The following EYS variants were observed in gnomAD, a reference collection of about 807,000 sequenced individuals.
The protein encoded by EYS is EGF-like photoreceptor maintenance factor.
EYS carries 250 observed loss-of-function variants against 282.1 expected under a neutral mutation model. That is an observed-to-expected ratio of 0.89 (90% CI 0.80 to 0.98). EYS has a LOEUF of 0.98. Ranked by LOEUF, EYS falls within the 50% of genes least tolerant of loss-of-function variation. EYS has a pLI of 0.00. For synonymous variants in EYS, 1,355 were observed against 1,282.9 expected, an observed-to-expected ratio of 1.06 and a Z score of -1.20; for missense variants, 4,016 against 3,709.0, an observed-to-expected ratio of 1.08 and a Z score of -2.15.
chr6:64,425,800 A>T (rs1774389229), intron 28 of EYS, among the ~76,000 whole-genome samples: 1 of 152,130 alleles, frequency 6.6e-6, no homozygotes, highest in African/African-American at 2.4e-5. Flanking sequence ...ATGAGTAAAA[A>T]ATGACTTTCA....
At chr6:65,361,175 C>T (rs959637034) in intron 8 of EYS, among the ~76,000 whole-genome samples, 1 of 151,000 alleles carries the variant, frequency 6.6e-6, no homozygotes, top group Admixed American at 6.6e-5. Flanking sequence ...AACACATGAA[C>T]ACAGGAAGGG....
In EYS at chr6:65,022,970, A is replaced by G. The variant is rs987646170; in HGVS notation, c.2138-25267T>C. 1.4e-4 allele frequency among the ~76,000 whole-genome samples: 22 copies of G among 152,154 alleles called. 1 individual carries two copies. Among genetic ancestry groups the G allele is most frequent in the Admixed American group, 4.6e-4 (7 of 15,276 alleles). ...TATTGTACAATTCCATTTATATTACATGTCCAGAATAGGAAAATTTATAAA... is the reference window on the plus strand; with the variant it reads ...TATTGTACAATTCCATTTATATTACGTGTCCAGAATAGGAAAATTTATAAA... On this transcript the variant is annotated intron_variant, in intron 13 of 42. Coordinates refer to ENST00000503581, the MANE Select transcript of EYS (RefSeq NM_001142800.2).
intron 12 of EYS, among the ~76,000 whole-genome samples, chr6:65,170,855 C>T (rs541011873): frequency 1.1e-4 from 17 of 151,494 alleles, no homozygotes; most frequent in African/African-American, 3.6e-4. Context: ...ATTTAGAAAT[C>T]TTTGAATATC....
chr6:64,885,962 G>C (rs1016474121), intron 19 of EYS, among the ~76,000 whole-genome samples: 1 of 151,734 alleles, frequency 6.6e-6, no homozygotes, highest in Non-Finnish European at 1.5e-5. Context: ...TGATTTTAGT[G>C]CTGCACAAAT....
intron 31 of EYS, among the ~76,000 whole-genome samples, chr6:64,228,831 T>C (rs1766329477): frequency 1.3e-5 from 2 of 152,042 alleles, no homozygotes; most frequent in South Asian, 4.1e-4. Context: ...TGGAAGAAAA[T>C]ACAGTTACTC....
intron 26 of EYS, among the ~76,000 whole-genome samples, chr6:64,570,689 G>T (rs1765696590): frequency 6.6e-6 from 1 of 151,904 alleles, no homozygotes; most frequent in Non-Finnish European, 1.5e-5. Context: ...ACAAATAAGG[G>T]CATTATGTCA....
chr6:65,500,460 A>T (rs2127276672), intron 2 of EYS, among the ~76,000 whole-genome samples: 1 of 152,122 alleles, frequency 6.6e-6, no homozygotes, highest in South Asian at 2.1e-4. Flanking sequence ...AAACTCAGTA[A>T]CTGGTCAGTT....
chr6:65,274,866 G>A (rs186383677), intron 12 of EYS, among the ~76,000 whole-genome samples: 113 of 151,400 alleles, frequency 7.5e-4, no homozygotes, highest in African/African-American at 2.6e-3. Flanking sequence ...CTGAGTTGAA[G>A]GATAAGTTGC....
chr6:64,928,448 T>C (rs1278239281), intron 15 of EYS, among the ~76,000 whole-genome samples: 1 of 152,164 alleles, frequency 6.6e-6, no homozygotes, highest in Non-Finnish European at 1.5e-5. Context: ...GTGTTTGTTA[T>C]AGTCATGGTC....
intron 18 of EYS, among the ~76,000 whole-genome samples, chr6:64,895,427 G>A (rs1166606767): frequency 6.6e-6 from 1 of 152,168 alleles, no homozygotes; most frequent in Non-Finnish European, 1.5e-5. Flanking sequence ...CCCATTCAAT[G>A]AAATTCCAAT....
At chr6:64,027,726 C>T (rs149382985) in intron 33 of EYS, among the ~76,000 whole-genome samples, 191 of 152,270 alleles carry the variant, frequency 1.3e-3, no homozygotes, top group African/African-American at 3.5e-3. Context: ...TCCACTGTGC[C>T]GAGGAAATCA....
At chr6:65,173,912 T>C (rs1282426544) in intron 12 of EYS, among the ~76,000 whole-genome samples, 1 of 151,308 alleles carries the variant, frequency 6.6e-6, no homozygotes, top group Admixed American at 6.6e-5. Context: ...AAAAGATTTT[T>C]ACTAAAATTT....
intron 33 of EYS, among the ~76,000 whole-genome samples, chr6:64,061,610 T>TA (rs1291349521): frequency 2.6e-5 from 4 of 151,440 alleles, no homozygotes; most frequent in African/African-American, 9.8e-5. Flanking sequence ...TACTGGCTAA[T>TA]AACAGAATAA....
At chr6:65,062,617 C>T (rs1583447568) in intron 12 of EYS, among the ~76,000 whole-genome samples, 1 of 151,894 alleles carries the variant, frequency 6.6e-6, no homozygotes, top group East Asian at 1.9e-4. Flanking sequence ...GAGTTTAGAA[C>T]ACATAGTAAT....
chr6:63,749,740 T>A (rs1769296222), intron 41 of EYS, among the ~76,000 whole-genome samples: 1 of 152,176 alleles, frequency 6.6e-6, no homozygotes, highest in African/African-American at 2.4e-5. Context: ...CCAGTTCAAC[T>A]CACCCATTCC....
At chr6:65,313,374 G>A (rs1413062403) in intron 11 of EYS, among the ~76,000 whole-genome samples, 1 of 151,768 alleles carries the variant, frequency 6.6e-6, no homozygotes, top group Non-Finnish European at 1.5e-5. Flanking sequence ...CATGCTTAAA[G>A]GATCAGCCCC....
At chr6:65,513,853 T>C (rs1021363677) in intron 2 of EYS, among the ~76,000 whole-genome samples, 3 of 152,288 alleles carry the variant, frequency 2.0e-5, no homozygotes, top group African/African-American at 7.2e-5. Flanking sequence ...GGGCAGAACC[T>C]GGAAGCATTC....
chr6:65,485,706 A>G (rs1765759310), intron 5 of EYS, among the ~76,000 whole-genome samples: 1 of 152,108 alleles, frequency 6.6e-6, no homozygotes, highest in Non-Finnish European at 1.5e-5. Flanking sequence ...TTGGGAGCGT[A>G]AGACAGGCAA....
chr6:63,802,613 G>C (rs1043478879), intron 37 of EYS, among the ~76,000 whole-genome samples: 10 of 151,946 alleles, frequency 6.6e-5, no homozygotes, highest in African/African-American at 2.4e-4. Flanking sequence ...TATGTGTGAA[G>C]AGCTCTTATT....
Sources: gnomAD v4.1 joint callset for allele counts (sites outside exome capture counted in the v4.1 genomes callset) on GRCh38, gnomAD v4.1.1 for gene constraint, MANE v1.5 for transcripts, NCBI Gene and HGNC (gene_info 2026-07-23, HGNC 2026-07-21) for gene names.